STAG2: variants seen among roughly 807,000 people sequenced by gnomAD.
STAG2 encodes the protein cohesin subunit SA-2.
In STAG2, 14 loss-of-function variants were observed where a neutral mutation model predicts 108.1. That is an observed-to-expected ratio of 0.13 (90% CI 0.09 to 0.20). STAG2 has a LOEUF of 0.20. STAG2 is among the 10% of genes least tolerant of loss of function. The probability of loss-of-function intolerance (pLI) is 1.00; values close to 1 mark genes in which losing one functional copy is unlikely to be tolerated. For missense variants in STAG2, 440 were observed against 940.9 expected, an observed-to-expected ratio of 0.47 and a Z score of 6.96; for synonymous variants, 307 against 302.7, an observed-to-expected ratio of 1.01 and a Z score of -0.15.
At chrX:123,973,540 C>CAAAA (rs35943528) in intron 1 of STAG2, among the ~76,000 whole-genome samples, 1 of 46,174 alleles carries the variant, frequency 2.2e-5, no homozygotes, top group African/African-American at 9.0e-5. Context: ...GACTCTGTCT[C>CAAAA]AAAAAAAAAA....
At chrX:123,976,858 A>G (rs189605023) in intron 1 of STAG2, among the ~76,000 whole-genome samples, 1 of 111,998 alleles carries the variant, frequency 8.9e-6, no homozygotes, top group African/African-American at 3.2e-5. Context: ...ACTCCTTTAC[A>G]TGGTGATACA....
chrX:123,987,181 C>T lies in STAG2; in HGVS notation c.-163+25325C>T, dbSNP rs780428737. Among the ~76,000 whole-genome samples, 270 of 108,779 alleles carry T rather than the reference C, an allele frequency of 2.5e-3. 2 individuals are homozygous for T. The highest frequency in any genetic ancestry group is 4.0e-3 in the Non-Finnish European group (208 of 52,379). The allele number at this position is 108,779 out of a possible 115,157, so 94.5% of individuals were successfully genotyped here. A position where few individuals can be genotyped will look rare whatever the true frequency, so the allele number is the denominator to read the frequency against. ...CTAATTTTTGTGTTTTTAGTACAGA[C>T]GGGTTTCACCATGTTGGTCAGGCTG... On this transcript the variant is annotated intron_variant, in intron 1 of 34. Coordinates refer to ENST00000371145, the MANE Select transcript of STAG2 (RefSeq NM_001042750.2).
chrX:124,095,159 C>T (rs2059347412), intron 33 of STAG2, among the ~76,000 whole-genome samples: 1 of 111,976 alleles, frequency 8.9e-6, no homozygotes, highest in African/African-American at 3.3e-5. Flanking sequence ...GATCTCCTGA[C>T]CTCGTGATCC....
rs1451243911 is a variant in STAG2 at position 124,039,899 on chromosome X, A to G, written c.385+2276A>G. On this transcript the variant is annotated intron_variant, in intron 6 of 34. Coordinates refer to ENST00000371145, the MANE Select transcript of STAG2 (RefSeq NM_001042750.2). ...TTTGGCATCAGTTTGTTTACAAATCAGGAGCTTGCTAACTCAACATTTGGA... is the reference window on the plus strand; with the variant it reads ...TTTGGCATCAGTTTGTTTACAAATCGGGAGCTTGCTAACTCAACATTTGGA... Among the ~76,000 whole-genome samples, 3 of 110,603 alleles carry G rather than the reference A, an allele frequency of 2.7e-5. No individual in the cohort carries two copies. The Admixed American group carries it at 2.9e-4, about 11-fold the overall frequency.
intron 4 of STAG2, among the ~76,000 whole-genome samples, chrX:124,029,328 C>G (rs1486342499): frequency 1.1e-5 from 1 of 90,371 alleles, no homozygotes; most frequent in Non-Finnish European, 2.2e-5. Flanking sequence ...ATTTATTGCT[C>G]GAGACAGAGT....
chrX:123,969,956 T>TG (rs1556423648), intron 1 of STAG2, among the ~76,000 whole-genome samples: 1 of 99,010 alleles, frequency 1.0e-5, no homozygotes, highest in Non-Finnish European at 2.0e-5. Flanking sequence ...CTTCCTGTTT[T>TG]TTTTTTTTTT....
intron 24 of STAG2, among the ~76,000 whole-genome samples, chrX:124,070,439 A>G (rs2058636830): frequency 8.9e-6 from 1 of 111,755 alleles, no homozygotes; most frequent in Non-Finnish European, 1.9e-5. Flanking sequence ...TTGTGACCCT[A>G]AATTTCTATT....
rs1220884225 is a variant in STAG2, at chrX:124,035,210, C to T, written c.289-2317C>T. ...ATGTTTTAAGAATGGAGAAAGTATG[C>T]GTGTGCCCCTTAATTTTATTATATA... On this transcript the variant is annotated intron_variant, in intron 5 of 34. Coordinates refer to ENST00000371145, the MANE Select transcript of STAG2 (RefSeq NM_001042750.2). 5.4e-5 allele frequency among the ~76,000 whole-genome samples: 6 copies of T among 111,303 alleles called. No homozygotes were observed. The East Asian group carries it at 1.4e-3, about 26-fold the overall frequency.
At chrX:124,091,093 T>A in intron 32 of STAG2, 129 bp downstream of exon 32, 1 of 523,227 alleles carries the variant, frequency 1.9e-6, no homozygotes, top group Non-Finnish European at 3.0e-6. Context: ...ATCAAGGAAC[T>A]AAAAATTGGT....
At position 124,061,760 on chromosome X, in the gene STAG2, T is replaced by C; in HGVS notation, c.1535-11T>C. On this transcript the variant is annotated splice_polypyrimidine_tract_variant and intron_variant, in intron 16 of 34. Transcript: ENST00000371145. The stretch of plus-strand genomic sequence containing the variant: ...CTTTCTGACTTTTTTTTTTTTTTTT[T>C]TTTTTTTTAGCACTAACAGATAGGC... 1.1e-6 allele frequency: 1 copy of C among 926,655 alleles called. No individual in the cohort carries two copies. Among genetic ancestry groups the C allele is most frequent in the East Asian group, 3.6e-5 (1 of 27,937 alleles). 76.4% of individuals were successfully genotyped at this position (926,655 alleles called of 1,213,427 possible). A position where few individuals can be genotyped will look rare whatever the true frequency, so the allele number is the denominator to read the frequency against.
intron 28 of STAG2, among the ~76,000 whole-genome samples, chrX:124,083,039 T>A (rs1456778192): frequency 9.0e-6 from 1 of 111,726 alleles, no homozygotes; most frequent in East Asian, 2.8e-4. Flanking sequence ...TTTTTTAACG[T>A]TCTATATGTT....
intron 1 of STAG2, among the ~76,000 whole-genome samples, chrX:124,009,443 G>GTAGGTAGGTAGGTAGATAGATAGA (rs1556479689): frequency 3.1e-5 from 2 of 63,596 alleles, no homozygotes; most frequent in East Asian, 5.9e-4. Context: ...AGGTAGGTAG[G>GTAGGTAGGTAGGTAGATAGATAGA]TAGATAGATA....
rs775207470 is a variant in STAG2, at chrX:124,031,017, A to T, written c.180A>T (p.Gly60=). The T allele has an allele frequency of 8.3e-7, 1 of 1,208,924 alleles. No individual in the cohort carries two copies. Among genetic ancestry groups the T allele is most frequent in the Middle Eastern group, 2.3e-4 (1 of 4,341 alleles). ...PAEKGKGGNG[G]GKPPSGPNRM... Reference sequence around the variant, plus strand: ...AAAAGGGCAAAGGTGGAAATGGAGGAGGAAAACCTCCTTCTGGTCCAAACC... The same window carrying T: ...AAAAGGGCAAAGGTGGAAATGGAGGTGGAAAACCTCCTTCTGGTCCAAACC... The change falls in exon 5 of 35, where the codon GGA becomes GGT. Residue 60 remains glycine, a synonymous_variant. Transcript: ENST00000371145.
intron 1 of STAG2, among the ~76,000 whole-genome samples, chrX:123,969,807 G>A (rs1365953007): frequency 9.1e-6 from 1 of 109,303 alleles, no homozygotes; most frequent in African/African-American, 3.3e-5. Flanking sequence ...CACCACACCC[G>A]GCTAATTTTT....
chrX:124,098,609 G>A (rs1304094413), intron 34 of STAG2, among the ~76,000 whole-genome samples: 2 of 111,216 alleles, frequency 1.8e-5, no homozygotes, highest in East Asian at 5.6e-4. Context: ...AATTCTAAGG[G>A]AAGTAACTCA....
chrX:124,026,671 A>G, intron 4 of STAG2: 1 of 196,232 alleles, frequency 5.1e-6, no homozygotes, highest in Non-Finnish European at 1.1e-5. Flanking sequence ...ATTTTTCCAT[A>G]ATCCTATCAC....
chrX:123,962,213 C>A (rs2053897772), intron 1 of STAG2: 1 of 110,832 alleles, frequency 9.0e-6, no homozygotes, highest in South Asian at 3.8e-4. Context: ...GATTTTGGGA[C>A]GAAAAGGGTC....
rs758111643 is a variant in STAG2, at chrX:124,068,847, G to C, written c.2358+191G>C. The stretch of plus-strand genomic sequence containing the variant: ...AATAAAATTGATTAATTTCATATGG[G>C]GTTTATAATTGCATTATAGATTACC... On this transcript the variant is annotated intron_variant, in intron 24 of 34. Transcript: ENST00000371145. Among the ~76,000 whole-genome samples the C allele has an allele frequency of 1.6e-4, 18 of 111,420 alleles. No homozygotes were observed. In the Admixed American group the frequency reaches 1.6e-3, roughly 10 times the overall value.
chrX:123,979,300 A>G (rs759939291), intron 1 of STAG2, among the ~76,000 whole-genome samples: 3 of 111,079 alleles, frequency 2.7e-5, no homozygotes, highest in South Asian at 7.6e-4. Flanking sequence ...TTACCATCAA[A>G]CATACATTTA....
Sources: gnomAD v4.1 joint callset for allele counts (sites outside exome capture counted in the v4.1 genomes callset) on GRCh38, gnomAD v4.1.1 for gene constraint, MANE v1.5 for transcripts, NCBI Gene and HGNC (gene_info 2026-07-23, HGNC 2026-07-21) for gene names.